Variants in PCLO observed in about 807,000 individuals in gnomAD.
PCLO encodes protein piccolo.
Under a neutral mutation model 427.5 loss-of-function variants are expected in PCLO, and 82 were observed. The observed-to-expected ratio is 0.19, with a 90% CI of 0.16 to 0.23. PCLO has a LOEUF of 0.23. Ranked by LOEUF, PCLO falls within the 10% of genes least tolerant of loss-of-function variation. PCLO has a pLI of 1.00. For missense variants in PCLO, 6,239 were observed against 6,115.9 expected, an observed-to-expected ratio of 1.02 and a Z score of -0.67; for synonymous variants, 2,357 against 2,155.4, an observed-to-expected ratio of 1.09 and a Z score of -2.59.
At chr7:82,767,296 A>G (rs1035159509) in intron 22 of PCLO, among the ~76,000 whole-genome samples, 1 of 152,180 alleles carries the variant, frequency 6.6e-6, no homozygotes, top group Non-Finnish European at 1.5e-5. Flanking sequence ...TTAAAAGAAT[A>G]AAAATTAATC....
chr7:83,125,242 G>A (rs1791405252), intron 3 of PCLO, among the ~76,000 whole-genome samples: 1 of 151,844 alleles, frequency 6.6e-6, no homozygotes, highest in Non-Finnish European at 1.5e-5. Context: ...GAGTGCCTCT[G>A]CCCGGCCGCC....
chr7:82,884,961 T>C (rs1462446211), intron 9 of PCLO, among the ~76,000 whole-genome samples: 1 of 152,340 alleles, frequency 6.6e-6, no homozygotes, highest in East Asian at 1.9e-4. Flanking sequence ...AATACTATTC[T>C]AATTCAAAAT....
chr7:83,107,353 C>G (rs528269246), intron 3 of PCLO, among the ~76,000 whole-genome samples: 1 of 152,182 alleles, frequency 6.6e-6, no homozygotes, highest in African/African-American at 2.4e-5. Context: ...TCAAAACTAA[C>G]ACGAATTTAT....
Position 82,829,107 on chromosome 7 carries a change from T to C in PCLO, c.14250-1141A>G, listed in dbSNP as rs1210704944. 2.6e-5 allele frequency among the ~76,000 whole-genome samples: 4 copies of C among 152,250 alleles called. No homozygotes were observed. In the East Asian group the frequency reaches 7.7e-4, roughly 29 times the overall value. On this transcript the variant is annotated intron_variant, in intron 16 of 24. Coordinates refer to ENST00000333891, the MANE Select transcript of PCLO (RefSeq NM_033026.6). The stretch of plus-strand genomic sequence containing the variant: ...CCCAGCCACTAATTTACCTATACAT[T>C]GTAGAGAAAGCTATTGAGGATCAAA...
In PCLO at chr7:82,916,129, G is replaced by A. The variant is rs1260065967; in HGVS notation, c.11857C>T (p.Pro3953Ser). The A allele has an allele frequency of 6.2e-7, 1 of 1,613,618 alleles. No homozygotes were observed. Among genetic ancestry groups the A allele is most frequent in the Non-Finnish European group, 8.5e-7 (1 of 1,179,712 alleles). The change falls in exon 7 of 25, where the codon CCT (proline) becomes TCT (serine). Residue 3953 changes from proline (P) to serine (S), a missense_variant. By Grantham distance (74) the Pro-to-Ser change is moderately conservative. Around this residue, in one of 5 missense-constraint regions of PCLO, gnomAD observed 680 missense variants for 677.3 expected, o/e 1.00. Transcript: ENST00000333891. ...TGTTGTATCACCATCATCTGTGAAG[G>A]TAACTGATAAGAAGGCTGTGGGGTT... ...TPTPQPSYQLPSQMMVIQQKP... is the reference protein window; with the variant it reads ...TPTPQPSYQLSSQMMVIQQKP...
At chr7:82,944,137 T>TTA (rs71522634) in intron 6 of PCLO, among the ~76,000 whole-genome samples, 2 of 33,892 alleles carry the variant, frequency 5.9e-5, no homozygotes, top group Non-Finnish European at 1.0e-4. Flanking sequence ...CAAGAATCCA[T>TTA]AAAAAAAAAA....
chr7:82,842,810 C>A (rs557139159), intron 13 of PCLO, among the ~76,000 whole-genome samples: 21 of 152,120 alleles, frequency 1.4e-4, no homozygotes, highest in African/African-American at 4.8e-4. Context: ...AAAAAATCAA[C>A]ATCATTAATC....
intron 3 of PCLO, among the ~76,000 whole-genome samples, chr7:83,110,313 T>A (rs886924067): frequency 1.3e-5 from 2 of 152,072 alleles, no homozygotes; most frequent in East Asian, 1.9e-4. Context: ...TGCCTTTTTT[T>A]AATAAAAAGA....
At chr7:82,909,972 T>A (rs912898822) in intron 7 of PCLO, among the ~76,000 whole-genome samples, 2 of 152,074 alleles carry the variant, frequency 1.3e-5, no homozygotes, top group African/African-American at 4.8e-5. Context: ...ATCTCATAGG[T>A]CTTTTCAAGA....
chr7:82,952,878 C>T lies in PCLO; in HGVS notation c.8075G>A (p.Ser2692Asn). Reference sequence around the variant, plus strand: ...TGGAGGAATTGTTATGGAAATGCTGCTGAGACCAACACTAGGAGCTGTACT... The same window carrying T: ...TGGAGGAATTGTTATGGAAATGCTGTTGAGACCAACACTAGGAGCTGTACT... ...TRSTAPSVGL[S>N]SISITIPPEP... Residue 2692 changes from serine (S) to asparagine (N), a missense_variant, in exon 5 of 25, where the codon AGC becomes AAC. This residue lies in a region of PCLO where 4,677 missense variants were observed against 4,468.4 expected (regional missense o/e 1.05). Transcript: ENST00000333891. 1 of 1,613,940 alleles carries T rather than the reference C, an allele frequency of 6.2e-7. No homozygotes were observed. Among genetic ancestry groups the T allele is most frequent in the Non-Finnish European group, 8.5e-7 (1 of 1,179,864 alleles).
intron 6 of PCLO, among the ~76,000 whole-genome samples, chr7:82,922,220 A>T (rs993631458): frequency 9.2e-5 from 14 of 152,022 alleles, no homozygotes; most frequent in African/African-American, 3.1e-4. Flanking sequence ...CATTTGACCC[A>T]GCAAAGGAAT....
intron 6 of PCLO, among the ~76,000 whole-genome samples, chr7:82,938,431 A>G (rs1795005589): frequency 6.6e-6 from 1 of 151,916 alleles, no homozygotes; most frequent in Admixed American, 6.6e-5. Flanking sequence ...GCTTAAAGGT[A>G]CAGATGGCCT....
chr7:82,758,841 A>G, intron 24 of PCLO, 126 bp from the exon 25 acceptor site: 1 of 571,444 alleles, frequency 1.7e-6, no homozygotes, highest in Non-Finnish European at 3.0e-6. Context: ...CGCTGAGTAG[A>G]AGTAGCAGAC....
chr7:82,951,753 A>G (rs1160010958), intron 5 of PCLO, 103 bp downstream of exon 5: 3 of 1,459,676 alleles, frequency 2.1e-6, no homozygotes, highest in African/African-American at 2.8e-5. Context: ...AGAAAGAGAA[A>G]AAGTAACAAA....
intron 10 of PCLO, among the ~76,000 whole-genome samples, chr7:82,863,223 T>C (rs143621749): frequency 1.3e-5 from 2 of 152,162 alleles, no homozygotes; most frequent in African/African-American, 4.8e-5. Context: ...TTATGAATGA[T>C]ATAATCAAAA....
intron 9 of PCLO, among the ~76,000 whole-genome samples, chr7:82,886,383 A>G (rs974446371): frequency 6.8e-6 from 1 of 146,454 alleles, no homozygotes; most frequent in Non-Finnish European, 1.6e-5. Flanking sequence ...CTGTTAAATG[A>G]ATAAGCAATT....
At chr7:83,140,902 G>A (rs1050757390) in intron 2 of PCLO, among the ~76,000 whole-genome samples, 5 of 152,130 alleles carry the variant, frequency 3.3e-5, no homozygotes, top group African/African-American at 1.2e-4. Flanking sequence ...GTTACACATA[G>A]TAACTATAAT....
chr7:83,127,299 T>C (rs1454943812), intron 3 of PCLO, among the ~76,000 whole-genome samples: 1 of 151,550 alleles, frequency 6.6e-6, no homozygotes, highest in African/African-American at 2.4e-5. Flanking sequence ...AGTTCACATA[T>C]TTGTTTCAAA....
At chr7:82,929,531 C>T (rs943703291) in intron 6 of PCLO, among the ~76,000 whole-genome samples, 4 of 152,036 alleles carry the variant, frequency 2.6e-5, no homozygotes, top group African/African-American at 9.7e-5. Flanking sequence ...TAAAAATAAA[C>T]ATGTGTTAAG....
Sources: allele counts gnomAD v4.1 joint callset (sites outside exome capture counted in the v4.1 genomes callset), GRCh38; gene constraint gnomAD v4.1.1; regional missense constraint gnomAD v4.1.1; transcripts MANE v1.5; gene names NCBI Gene and HGNC (gene_info 2026-07-23, HGNC 2026-07-21).